SLC52A3: variants seen among roughly 807,000 people sequenced by gnomAD.
The protein encoded by SLC52A3 is solute carrier family 52 member 3.
A neutral mutation model predicts 29.5 loss-of-function variants in SLC52A3; 20 were observed. The ratio of observed to expected loss-of-function variants is 0.68; its 90% CI spans 0.48 to 0.99. The LOEUF (loss-of-function observed/expected upper bound fraction) is 0.99, where lower values mean the gene tolerates loss of function less well. Among genes scored for constraint, SLC52A3 ranks in the 50% least tolerant of loss-of-function variants. SLC52A3 has a pLI of 0.00. For synonymous variants in SLC52A3, 301 were observed against 271.0 expected (o/e 1.11, Z -1.09); for missense variants, 548 against 612.9 (o/e 0.89, Z 1.12).
intron 1 of SLC52A3, among the ~76,000 whole-genome samples, chr20:775,675 C>T (rs114590677): frequency 2.6e-5 from 4 of 152,086 alleles, no homozygotes; most frequent in Admixed American, 6.5e-5. Context: ...GAGGAGGAAA[C>T]CTTTCTTCCC....
At chr20:761,880 C>T (rs1303569780) in intron 3 of SLC52A3, 56 bp from the exon 4 acceptor site, 14 of 1,612,424 alleles carry the variant, frequency 8.7e-6, no homozygotes, top group Admixed American at 8.4e-5. Context: ...CTGACCCCCC[C>T]GCCCCACTGG....
intron 1 of SLC52A3, among the ~76,000 whole-genome samples, chr20:774,380 T>C (rs967016186): frequency 5.9e-5 from 9 of 152,124 alleles, no homozygotes; most frequent in African/African-American, 1.9e-4. Flanking sequence ...TGTAGGCGTC[T>C]ACTTAGGGCC....
At position 763,674 on chromosome 20, in the gene SLC52A3, G is replaced by T; in HGVS notation, c.897C>A (p.His299Gln). Reference sequence around the variant, plus strand: ...CCACCAGGGTATAGATGAAGGCCAGGTGCGCCGGGCAGCAGGGGGCTGCTT... The same window carrying T: ...CCACCAGGGTATAGATGAAGGCCAGTTGCGCCGGGCAGCAGGGGGCTGCTT... ...EEKAAPCCPA[H>Q]LAFIYTLVAF... Residue 299 changes from histidine to glutamine, a missense_variant, in exon 3 of 5, where the codon CAC becomes CAA. By Grantham distance (24) the His-to-Gln change is conservative (BLOSUM62 0). Coordinates refer to ENST00000645534, the MANE Select transcript of SLC52A3 (RefSeq NM_033409.4). 6.2e-7 allele frequency: 1 copy of T among 1,614,202 alleles called. No homozygotes were observed. Among genetic ancestry groups the T allele is most frequent in the Non-Finnish European group, 8.5e-7 (1 of 1,180,022 alleles).
chr20:761,640 C>T (rs765160050), intron 4 of SLC52A3, 61 bp downstream of exon 4: 1 of 1,606,056 alleles, frequency 6.2e-7, no homozygotes, highest in Non-Finnish European at 8.5e-7. Context: ...CAAGCTCTCC[C>T]AGGCCTTGGC....
At chr20:764,355 C>G (rs1215752672) in intron 2 of SLC52A3, among the ~76,000 whole-genome samples, 1 of 152,184 alleles carries the variant, frequency 6.6e-6, no homozygotes, top group East Asian at 1.9e-4. Flanking sequence ...GAAGCTACAC[C>G]TTTTATCACC....
Position 765,061 on chromosome 20 carries a change from A to T in SLC52A3, c.567+147T>A. The stretch of plus-strand genomic sequence containing the variant: ...ATGCGTATGTATGTAAGTAATTAAA[A>T]TGAGTTTCCTGCTGTTGATCTGCCT... On this transcript the variant is annotated intron_variant, in intron 2 of 4. Transcript: ENST00000645534. The surrounding 1 kb of genome is among the most constrained non-coding windows in gnomAD (Gnocchi z 6.6). 2 of 915,582 alleles carry T rather than the reference A, an allele frequency of 2.2e-6. No individual in the cohort carries two copies. Among genetic ancestry groups the T allele is most frequent in the Non-Finnish European group, 3.4e-6 (2 of 580,804 alleles). 56.7% of individuals were successfully genotyped at this position (915,582 alleles called of 1,614,324 possible). A position where few individuals can be genotyped will look rare whatever the true frequency, so the allele number is the denominator to read the frequency against.
intron 1 of SLC52A3, among the ~76,000 whole-genome samples, chr20:773,970 A>G (rs1354453402): frequency 2.8e-5 from 4 of 140,388 alleles, no homozygotes; most frequent in South Asian, 2.5e-4. Context: ...GTTTTCCTCC[A>G]TCAAAGTATT....
At position 761,146 on chromosome 20, in the gene SLC52A3, C is replaced by G; in HGVS notation, c.1290G>C (p.Leu430Phe). 6.3e-7 allele frequency: 1 copy of G among 1,588,680 alleles called. No homozygotes were observed. The highest frequency in any genetic ancestry group is 1.1e-5 in the South Asian group (1 of 87,486). ...VLRDLSRSAL[L>F]WCGAAVQLGS... Reference sequence around the variant, plus strand: ...CCAGCTGCACCGCCGCCCCGCACCACAAGAGGGCGCTGCGGCTGAGGTCGC... The same window carrying G: ...CCAGCTGCACCGCCGCCCCGCACCAGAAGAGGGCGCTGCGGCTGAGGTCGC... Residue 430 changes from leucine (L) to phenylalanine (F), a missense_variant, in exon 5 of 5, where the codon TTG becomes TTC. Physicochemically the swap from Leu to Phe is conservative, Grantham distance 22. Around this residue, in one of 2 missense-constraint regions of SLC52A3, gnomAD observed 173 missense variants for 141.8 expected, o/e 1.22. Transcript: ENST00000645534.
Position 760,821 on chromosome 20 carries a change from T to C in SLC52A3, c.*205A>G. 1.7e-6 allele frequency: 1 copy of C among 602,922 alleles called. No homozygotes were observed. The highest frequency in any genetic ancestry group is 2.9e-6 in the Non-Finnish European group (1 of 339,982). 37.3% of individuals were successfully genotyped at this position (602,922 alleles called of 1,614,324 possible). A position where few individuals can be genotyped will look rare whatever the true frequency, so the allele number is the denominator to read the frequency against. On this transcript the variant is annotated 3_prime_UTR_variant, in exon 5 of 5. Transcript: ENST00000645534. This position sits in a 1 kb window ranked among gnomAD's most constrained non-coding sequence, Gnocchi z 4.9. ...AAGCAAAGGAGATCTGAGCTGGTCG[T>C]CACAGGTAGTGTGACACAGAGTTGG...
At chr20:778,493 GAT>G (rs1424429434), upstream of SLC52A3, among the ~76,000 whole-genome samples, 1 of 152,104 alleles carries the variant, frequency 6.6e-6, no homozygotes. Context: ...TCCACGCACA[GAT>G]ATGTAATTAA....
At position 760,994 on chromosome 20, in the gene SLC52A3, C is replaced by T; in HGVS notation, c.*32G>A. ...GGCCTCTCTGGACCCCAGTTCCGTC[C>T]GTGAGCGATGGGGGCGGGGTCGGCG... On this transcript the variant is annotated 3_prime_UTR_variant, in exon 5 of 5. Transcript: ENST00000645534. The surrounding 1 kb of genome is among the most constrained non-coding windows in gnomAD (Gnocchi z 4.9). 2 of 1,572,520 alleles carry T rather than the reference C, an allele frequency of 1.3e-6. No homozygotes were observed. Among genetic ancestry groups the T allele is most frequent in the East Asian group, 4.8e-5 (2 of 41,534 alleles).
At position 765,888 on chromosome 20, in the gene SLC52A3, T is replaced by C; in HGVS notation, c.-51-63A>G. 3 of 1,047,812 alleles carry C rather than the reference T, an allele frequency of 2.9e-6. No homozygotes were observed. The highest frequency in any genetic ancestry group is 4.3e-6 in the Non-Finnish European group (3 of 696,452). The allele number at this position is 1,047,812 out of a possible 1,614,324, so 64.9% of individuals were successfully genotyped here. ...CACCACCTAGCAAGATGCTGGGACCTGGGGCCCAGAGTTTTCTCTTATTAC... is the reference window on the plus strand; with the variant it reads ...CACCACCTAGCAAGATGCTGGGACCCGGGGCCCAGAGTTTTCTCTTATTAC... On this transcript the variant is annotated intron_variant, in intron 1 of 4. Coordinates refer to ENST00000645534, the MANE Select transcript of SLC52A3 (RefSeq NM_033409.4). The surrounding 1 kb of genome is among the most constrained non-coding windows in gnomAD (Gnocchi z 6.6).
In SLC52A3 at chr20:768,341, ATCTTCACGTTT is replaced by A. The variant is rs538696789; in HGVS notation, c.-107_-97del. The A allele has an allele frequency of 7.6e-4, 116 of 152,386 alleles. No homozygotes were observed. The highest frequency in any genetic ancestry group is 3.4e-3 in the Middle Eastern group (1 of 296). The allele number at this position is 152,386 out of a possible 1,614,324, so 9.4% of individuals were successfully genotyped here. A position where few individuals can be genotyped will look rare whatever the true frequency, so the allele number is the denominator to read the frequency against. ...TTGTAGAGACACGCTAACTGGGCCA[ATCTTCACGTTT>A]TGTAGATGGGAGACGAGGTCCGAAG... On this transcript the variant is annotated 5_prime_UTR_variant, in exon 1 of 5. Transcript: ENST00000645534.
upstream of SLC52A3, among the ~76,000 whole-genome samples, chr20:776,836 C>T (rs1048465841): frequency 1.3e-4 from 19 of 143,950 alleles, no homozygotes; most frequent in Non-Finnish European, 9.0e-5. Flanking sequence ...AAGCTGTGCT[C>T]CTACAGGCTG....
At chr20:766,015 G>A in intron 1 of SLC52A3, 190 bp from the exon 2 acceptor site, 1 of 546,552 alleles carries the variant, frequency 1.8e-6, no homozygotes, top group Non-Finnish European at 3.3e-6. Context: ...TCGGCTCAGT[G>A]ACCCTCTGCC....
upstream of SLC52A3, among the ~76,000 whole-genome samples, chr20:772,260 C>G (rs1420804530): frequency 6.6e-6 from 1 of 152,242 alleles, no homozygotes; most frequent in Non-Finnish European, 1.5e-5. Flanking sequence ...CCAGGTGCTA[C>G]CACGGCTGTG....
chr20:764,539 G>GGGAGAATCCCCCCCCT (rs1555783842), intron 2 of SLC52A3, among the ~76,000 whole-genome samples: 1 of 152,138 alleles, frequency 6.6e-6, no homozygotes. Context: ...CCCACCTAAG[G>GGGAGAATCCCCCCCCT]AAGAACACTG....
At chr20:761,347 G>A in intron 4 of SLC52A3, 109 bp from the exon 5 acceptor site, 1 of 1,234,210 alleles carries the variant, frequency 8.1e-7, no homozygotes, top group Non-Finnish European at 1.1e-6. Flanking sequence ...CTCTCTAGGT[G>A]CGAGGAGCGC....
upstream of SLC52A3, among the ~76,000 whole-genome samples, chr20:771,680 A>AAAT: frequency 6.6e-6 from 1 of 151,990 alleles, no homozygotes; most frequent in South Asian, 2.1e-4. Flanking sequence ...AAAAAAAAAA[A>AAAT]AAAAAGGAGA....
Sources: allele counts gnomAD v4.1 joint callset (sites outside exome capture counted in the v4.1 genomes callset), GRCh38; gene constraint gnomAD v4.1.1; regional missense constraint gnomAD v4.1.1; non-coding constraint Gnocchi (gnomAD v3.1); transcripts MANE v1.5; gene names NCBI Gene and HGNC (gene_info 2026-07-23, HGNC 2026-07-21).